The following PPM1H variants were observed in gnomAD, a reference collection of about 807,000 sequenced individuals.
The protein encoded by PPM1H is protein phosphatase, Mg2+/Mn2+ dependent 1H.
Under a neutral mutation model 54.9 loss-of-function variants are expected in PPM1H, and 27 were observed. That is an observed-to-expected ratio of 0.49 (90% CI 0.36 to 0.68). PPM1H has a LOEUF of 0.68. Among genes scored for constraint, PPM1H ranks in the 30% least tolerant of loss-of-function variants. The pLI is 0.00. For missense variants in PPM1H, 596 were observed against 667.8 expected (o/e 0.89, Z 1.19); for synonymous variants, 305 against 270.8 (o/e 1.13, Z -1.24).
At chr12:62,665,064 T>C (rs1303646473) in intron 9 of PPM1H, among the ~76,000 whole-genome samples, 12 of 152,068 alleles carry the variant, frequency 7.9e-5, no homozygotes, top group Admixed American at 7.9e-4. Context: ...TCTCTTTTTT[T>C]TGGGACAGAG....
In PPM1H at chr12:62,878,626, T is replaced by TAAAAAAA. The variant is rs34587900; in HGVS notation, c.246-46354_246-46348dup. On this transcript the variant is annotated intron_variant, in intron 1 of 9. Coordinates refer to ENST00000228705, the MANE Select transcript of PPM1H (RefSeq NM_020700.2). ...TTTTGTTTGAAACAATGATTACGCTTAAAAAAAAAAAAAAAAAAAAAAAAA... is the reference window on the plus strand; with the variant it reads ...TTTTGTTTGAAACAATGATTACGCTTAAAAAAAAAAAAAAAAAAAAAAAAAAAAAAAA... Among the ~76,000 whole-genome samples, 18 of 81,580 alleles carry TAAAAAAA rather than the reference T, an allele frequency of 2.2e-4. 4 individuals carry two copies. Among genetic ancestry groups the TAAAAAAA allele is most frequent in the African/African-American group, 7.1e-4 (14 of 19,746 alleles). The allele number at this position is 81,580 out of a possible 152,430, so 53.5% of individuals were successfully genotyped here. A position where few individuals can be genotyped will look rare whatever the true frequency, so the allele number is the denominator to read the frequency against.
chr12:62,825,852 T>A (rs186464482), intron 2 of PPM1H, among the ~76,000 whole-genome samples: 80 of 151,662 alleles, frequency 5.3e-4, no homozygotes, highest in Non-Finnish European at 8.5e-4. Flanking sequence ...CTGCATATTG[T>A]GCGCATGTAC....
intron 8 of PPM1H, among the ~76,000 whole-genome samples, chr12:62,684,172 G>GA (rs1443056224): frequency 6.6e-6 from 1 of 152,130 alleles, no homozygotes; most frequent in Non-Finnish European, 1.5e-5. Context: ...CTGTTAGGCA[G>GA]AAAAAACCAG....
intron 8 of PPM1H, among the ~76,000 whole-genome samples, chr12:62,673,038 C>T (rs2075965242): frequency 6.6e-6 from 1 of 152,208 alleles, no homozygotes; most frequent in African/African-American, 2.4e-5. Flanking sequence ...TCCAAATCGT[C>T]AAACAAATGT....
Position 62,764,100 on chromosome 12 carries a change from A to G in PPM1H, c.869+24126T>C, listed in dbSNP as rs73314554. Among the ~76,000 whole-genome samples, 371 of 152,274 alleles carry G rather than the reference A, an allele frequency of 2.4e-3. 3 individuals carry two copies. The highest frequency in any genetic ancestry group is 8.3e-3 in the African/African-American group (346 of 41,552). On this transcript the variant is annotated intron_variant, in intron 4 of 9. Coordinates refer to ENST00000228705, the MANE Select transcript of PPM1H (RefSeq NM_020700.2). The stretch of plus-strand genomic sequence containing the variant: ...TCTCTCCTCTCCTTTGTAAGATCCA[A>G]TAATACTGAAAATGTTGAACTCTGG...
intron 5 of PPM1H, among the ~76,000 whole-genome samples, chr12:62,723,711 ATAGCAG>A (rs758555569): frequency 1.1e-3 from 163 of 152,346 alleles, no homozygotes; most frequent in Non-Finnish European, 1.5e-3. Context: ...TAGTATTGTT[ATAGCAG>A]CACCAGACAG....
intron 4 of PPM1H, among the ~76,000 whole-genome samples, chr12:62,769,400 G>A (rs2076564652): frequency 6.6e-6 from 1 of 152,206 alleles, no homozygotes; most frequent in Non-Finnish European, 1.5e-5. Context: ...TGAGCAACTG[G>A]TCCTCACACA....
chr12:62,798,312 A>G (rs1395424404), intron 3 of PPM1H, among the ~76,000 whole-genome samples: 1 of 152,166 alleles, frequency 6.6e-6, no homozygotes, highest in Non-Finnish European at 1.5e-5. Context: ...ATAAATCAAC[A>G]CTTTGCGTGA....
intron 4 of PPM1H, among the ~76,000 whole-genome samples, chr12:62,763,835 C>T (rs1427496542): frequency 6.6e-6 from 1 of 152,162 alleles, no homozygotes; most frequent in African/African-American, 2.4e-5. Context: ...ATTCCATTTG[C>T]TGAGCTTGCT....
intron 6 of PPM1H, among the ~76,000 whole-genome samples, chr12:62,711,965 C>T (rs1308105666): frequency 6.6e-6 from 1 of 152,204 alleles, no homozygotes; most frequent in Non-Finnish European, 1.5e-5. Flanking sequence ...TCATTCATCA[C>T]TGTCAGGAGA....
intron 4 of PPM1H, among the ~76,000 whole-genome samples, chr12:62,777,412 A>G (rs2076617465): frequency 6.6e-6 from 1 of 152,244 alleles, no homozygotes; most frequent in Non-Finnish European, 1.5e-5. Context: ...TAGCTTCCCC[A>G]GCACAGTGCC....
chr12:62,931,557 G>A (rs1209710940), intron 1 of PPM1H, among the ~76,000 whole-genome samples: 1 of 152,212 alleles, frequency 6.6e-6, no homozygotes, highest in Non-Finnish European at 1.5e-5. Context: ...AGAAGAGAGA[G>A]ATGGCCAAGA....
chr12:62,707,443 CTT>C (rs2076182137), intron 6 of PPM1H, among the ~76,000 whole-genome samples: 1 of 152,208 alleles, frequency 6.6e-6, no homozygotes, highest in Non-Finnish European at 1.5e-5. Flanking sequence ...AGTCACAATA[CTT>C]TGACAGCCCA....
chr12:62,767,715 C>A (rs1348464024), intron 4 of PPM1H, among the ~76,000 whole-genome samples: 1 of 152,142 alleles, frequency 6.6e-6, no homozygotes, highest in African/African-American at 2.4e-5. Context: ...TAGAAAATGA[C>A]TTCTCTCACA....
chr12:62,692,298 C>T (rs564065562), intron 7 of PPM1H, among the ~76,000 whole-genome samples: 6 of 152,134 alleles, frequency 3.9e-5, no homozygotes, highest in African/African-American at 4.8e-5. Flanking sequence ...ACCTGCCCAT[C>T]GCAAGACCAT....
At chr12:62,894,640 C>G (rs1044905233) in intron 1 of PPM1H, among the ~76,000 whole-genome samples, 1 of 152,180 alleles carries the variant, frequency 6.6e-6, no homozygotes, top group African/African-American at 2.4e-5. Flanking sequence ...GTATGCAGTC[C>G]TTAGCATAGC....
intron 6 of PPM1H, among the ~76,000 whole-genome samples, chr12:62,709,267 C>T (rs1312308613): frequency 6.6e-6 from 1 of 152,152 alleles, no homozygotes; most frequent in Non-Finnish European, 1.5e-5. Context: ...TCCATGAATG[C>T]CCCCATCTGC....
chr12:62,876,903 T>A (rs1478732039), intron 1 of PPM1H, among the ~76,000 whole-genome samples: 1 of 152,206 alleles, frequency 6.6e-6, no homozygotes, highest in African/African-American at 2.4e-5. Context: ...TGCCACATAC[T>A]ATTTTTTAAG....
chr12:62,836,590 C>T (rs911435963), intron 1 of PPM1H, among the ~76,000 whole-genome samples: 38 of 152,272 alleles, frequency 2.5e-4, no homozygotes, highest in African/African-American at 9.1e-4. Context: ...AGTTCCTTAG[C>T]TGTACTTCAT....
Sources: gnomAD v4.1 joint callset for allele counts (sites outside exome capture counted in the v4.1 genomes callset) on GRCh38, gnomAD v4.1.1 for gene constraint, MANE v1.5 for transcripts, NCBI Gene and HGNC (gene_info 2026-07-23, HGNC 2026-07-21) for gene names.